Variants in DLGAP2 observed in about 807,000 individuals in gnomAD.
DLGAP2 encodes DLG associated protein 2.
A neutral mutation model predicts 100.3 loss-of-function variants in DLGAP2; 26 were observed. That is an observed-to-expected ratio of 0.26 (90% CI 0.19 to 0.36). The LOEUF (loss-of-function observed/expected upper bound fraction) is 0.36. Ranked by LOEUF, DLGAP2 falls within the 10% of genes least tolerant of loss-of-function variation. DLGAP2 has a pLI of 1.00. For synonymous variants in DLGAP2, 886 were observed against 630.1 expected (o/e 1.41, Z -6.08); for missense variants, 1,858 against 1,453.2 (o/e 1.28, Z -4.53).
At chr8:1,447,160 T>C (rs1370754137) in intron 3 of DLGAP2, among the ~76,000 whole-genome samples, 1 of 152,250 alleles carries the variant, frequency 6.6e-6, no homozygotes, top group Non-Finnish European at 1.5e-5. Context: ...AGGGCATCCC[T>C]GTCTTGTGCC....
In DLGAP2 at chr8:1,188,399, A is replaced by G. The variant is rs184430613; in HGVS notation, c.74-70452A>G. Among the ~76,000 whole-genome samples the G allele has an allele frequency of 6.1e-3, 374 of 61,430 alleles. 3 individuals are homozygous for G. The highest frequency in any genetic ancestry group is 0.028 in the Middle Eastern group (2 of 72). The allele number at this position is 61,430 out of a possible 152,430, so 40.3% of individuals were successfully genotyped here. A position where few individuals can be genotyped will look rare whatever the true frequency, so the allele number is the denominator to read the frequency against. On this transcript the variant is annotated intron_variant, in intron 2 of 14. Transcript: ENST00000637795. ...GGAATCTCACACACCCGGGACCTCC[A>G]TGACATTTGCCTCACAGAATCGCGC...
At chr8:892,638 C>T (rs569162963) in intron 1 of DLGAP2, among the ~76,000 whole-genome samples, 1 of 152,168 alleles carries the variant, frequency 6.6e-6, no homozygotes, top group African/African-American at 2.4e-5. Flanking sequence ...CTGGGTAGGT[C>T]AGCTCCCTGG....
rs1162640861 is a variant in DLGAP2 at position 1,407,287 on chromosome 8, C to G, written c.107-94079C>G. 5.1e-4 allele frequency among the ~76,000 whole-genome samples: 12 copies of G among 23,524 alleles called. 2 individuals carry two copies. The highest frequency in any genetic ancestry group is 3.0e-3 in the African/African-American group (11 of 3,648). 15.4% of individuals were successfully genotyped at this position (23,524 alleles called of 152,430 possible). A position where few individuals can be genotyped will look rare whatever the true frequency, so the allele number is the denominator to read the frequency against. On this transcript the variant is annotated intron_variant, in intron 3 of 14. Coordinates refer to ENST00000637795, the MANE Select transcript of DLGAP2 (RefSeq NM_001346810.2). ...GCTTACTGAGCGCCACCTCCTCATC[C>G]TCCAGAGTCGTGTATTGAGTGCTTA...
intron 2 of DLGAP2, among the ~76,000 whole-genome samples, chr8:1,219,507 A>G (rs997514171): frequency 6.6e-6 from 1 of 152,046 alleles, no homozygotes; most frequent in Non-Finnish European, 1.5e-5. Flanking sequence ...GTGCTGCTGG[A>G]TTTGATTTGT....
chr8:1,188,422 C>T (rs1340156526), intron 2 of DLGAP2, among the ~76,000 whole-genome samples: 2 of 131,276 alleles, frequency 1.5e-5, no homozygotes, highest in Admixed American at 1.4e-4. Flanking sequence ...CACAGAATCG[C>T]GCACGCCCGG....
chr8:1,139,191 G>A (rs762188385), intron 2 of DLGAP2, among the ~76,000 whole-genome samples: 13 of 152,230 alleles, frequency 8.5e-5, no homozygotes, highest in Non-Finnish European at 1.6e-4. Context: ...CTGTGAGACT[G>A]GGGTGTGCAC....
intron 1 of DLGAP2, chr8:822,069 A>G (rs1359103124): frequency 2.5e-5 from 10 of 398,734 alleles, no homozygotes; most frequent in Non-Finnish European, 4.0e-5. Context: ...CATTTTCCCC[A>G]TCTCTATCCA....
intron 2 of DLGAP2, among the ~76,000 whole-genome samples, chr8:1,161,507 G>T (rs1340328132): frequency 6.6e-6 from 1 of 152,172 alleles, no homozygotes; most frequent in Non-Finnish European, 1.5e-5. Context: ...GGGATGTGTG[G>T]GGGCCGGCAC....
At chr8:1,658,686 G>A (rs1342650163) in intron 8 of DLGAP2, among the ~76,000 whole-genome samples, 3 of 152,256 alleles carry the variant, frequency 2.0e-5, no homozygotes, top group East Asian at 3.9e-4. Flanking sequence ...GATCAGTGGT[G>A]ATATCCCCCT....
chr8:814,791 G>A (rs1297862838), intron 1 of DLGAP2, among the ~76,000 whole-genome samples: 1 of 139,622 alleles, frequency 7.2e-6, no homozygotes, highest in Non-Finnish European at 1.5e-5. Context: ...AGGTGGAGCT[G>A]CAGTGAGCTG....
intron 3 of DLGAP2, among the ~76,000 whole-genome samples, chr8:1,390,077 G>A (rs886596707): frequency 9.2e-5 from 14 of 151,712 alleles, no homozygotes; most frequent in South Asian, 6.3e-4. Context: ...CATTTCATCC[G>A]TTGATGGAGA....
intron 3 of DLGAP2, among the ~76,000 whole-genome samples, chr8:1,423,971 A>C (rs1315456060): frequency 6.6e-6 from 1 of 152,256 alleles, no homozygotes; most frequent in African/African-American, 2.4e-5. Context: ...TGATCAACTC[A>C]CATGACTGGA....
intron 3 of DLGAP2, among the ~76,000 whole-genome samples, chr8:1,341,904 AATT>A (rs1801427230): frequency 6.6e-6 from 1 of 152,144 alleles, no homozygotes; most frequent in Non-Finnish European, 1.5e-5. Context: ...CGGGTGAAGC[AATT>A]GAGGTCTGAG....
chr8:1,314,704 CT>C (rs1800688855), intron 3 of DLGAP2, among the ~76,000 whole-genome samples: 1 of 152,206 alleles, frequency 6.6e-6, no homozygotes, highest in Non-Finnish European at 1.5e-5. Context: ...TCTCCCACCC[CT>C]ATCCGCCTCC....
Position 985,935 on chromosome 8 carries a change from C to T in DLGAP2, c.73+77969C>T, listed in dbSNP as rs926235709. On this transcript the variant is annotated intron_variant, in intron 2 of 14. Coordinates refer to ENST00000637795, the MANE Select transcript of DLGAP2 (RefSeq NM_001346810.2). ...TCCTGGGCCTCCCTCCCTGAAGATGCTCTTGGTGGAATAAAAACTTCCTGA... is the reference window on the plus strand; with the variant it reads ...TCCTGGGCCTCCCTCCCTGAAGATGTTCTTGGTGGAATAAAAACTTCCTGA... Among the ~76,000 whole-genome samples the T allele has an allele frequency of 2.6e-5, 4 of 152,066 alleles. No individual in the cohort carries two copies. In the East Asian group the frequency reaches 5.8e-4, roughly 22 times the overall value.
At chr8:945,505 GAGCCCCGGACA>G (rs1799296039) in intron 2 of DLGAP2, among the ~76,000 whole-genome samples, 1 of 152,156 alleles carries the variant, frequency 6.6e-6, no homozygotes, top group African/African-American at 2.4e-5. Context: ...GAATGAGGCT[GAGCCCCGGACA>G]AGCTGAGGTC....
At chr8:1,414,040 A>T (rs1796808369) in intron 3 of DLGAP2, among the ~76,000 whole-genome samples, 1 of 152,238 alleles carries the variant, frequency 6.6e-6, no homozygotes, top group Non-Finnish European at 1.5e-5. Context: ...ACTTAGTGAC[A>T]TGCCTAGGAA....
intron 3 of DLGAP2, among the ~76,000 whole-genome samples, chr8:1,351,623 T>C (rs1396059584): frequency 3.3e-5 from 2 of 60,606 alleles, no homozygotes; most frequent in Non-Finnish European, 6.8e-5. Context: ...GGAAAGGCCG[T>C]GCGGGTCCTG....
chr8:1,353,495 T>C (rs1450973413), intron 3 of DLGAP2, among the ~76,000 whole-genome samples: 1 of 152,176 alleles, frequency 6.6e-6, no homozygotes, highest in African/African-American at 2.4e-5. Flanking sequence ...CTCATCTAAG[T>C]GTTCTGAGCA....
Sources: allele counts gnomAD v4.1 joint callset (sites outside exome capture counted in the v4.1 genomes callset), GRCh38; gene constraint gnomAD v4.1.1; transcripts MANE v1.5; gene names NCBI Gene and HGNC (gene_info 2026-07-23, HGNC 2026-07-21).